SOX6: variants seen among roughly 807,000 people sequenced by gnomAD.
The protein encoded by SOX6 is transcription factor SOX-6.
SOX6 carries 11 observed loss-of-function variants against 97.8 expected under a neutral mutation model. That is an observed-to-expected ratio of 0.11 (90% confidence interval 0.07 to 0.19). The LOEUF is 0.19. Ranked by LOEUF, SOX6 falls within the 10% of genes least tolerant of loss-of-function variation. SOX6 has a pLI of 1.00. For missense variants in SOX6, 810 were observed against 1,039.5 expected (o/e 0.78, Z 3.04); for synonymous variants, 360 against 371.4 (o/e 0.97, Z 0.35).
intron 3 of SOX6, among the ~76,000 whole-genome samples, chr11:16,680,422 A>G (rs1024682713): frequency 1.3e-5 from 2 of 152,228 alleles, no homozygotes; most frequent in Admixed American, 1.3e-4. Context: ...AGATTTTGTA[A>G]CCATCAGGAC....
rs537248778 is a variant in SOX6, at chr11:16,298,996, T to C, written c.445+19450A>G. Among the ~76,000 whole-genome samples the C allele has an allele frequency of 5.9e-5, 9 of 152,270 alleles. No individual in the cohort carries two copies. In the South Asian group the frequency reaches 1.0e-3, roughly 18 times the overall value. On this transcript the variant is annotated intron_variant, in intron 3 of 15. Coordinates refer to ENST00000683767, the MANE Select transcript of SOX6 (RefSeq NM_001367873.1). ...TAAAATTACAAAGAAATGGTGGGTA[T>C]TAAACCTCTGAAAAGCAATATTTTC...
chr11:16,412,209 A>G (rs73433530), intron 1 of SOX6, among the ~76,000 whole-genome samples: 123 of 152,350 alleles, frequency 8.1e-4, no homozygotes, highest in African/African-American at 2.6e-3. Flanking sequence ...CAATGCTAAT[A>G]ACATTATTTC....
At chr11:16,491,252 A>T (rs1860506867) in intron 4 of SOX6, among the ~76,000 whole-genome samples, 1 of 152,132 alleles carries the variant, frequency 6.6e-6, no homozygotes, top group Non-Finnish European at 1.5e-5. Flanking sequence ...TCCCAGGCAA[A>T]ATGAAATTTA....
exon 4 of SOX6, chr11:16,612,139 G>C (rs991657572): frequency 3.3e-5 from 5 of 152,604 alleles, no homozygotes; most frequent in Admixed American, 6.6e-5. Flanking sequence ...GAGTTACCCA[G>C]GGCTGCAGTG....
At chr11:16,589,151 A>C (rs1848124796) in intron 4 of SOX6, among the ~76,000 whole-genome samples, 1 of 152,220 alleles carries the variant, frequency 6.6e-6, no homozygotes, top group African/African-American at 2.4e-5. Flanking sequence ...ACTATGTCCC[A>C]GAAGAGTGTC....
At chr11:16,026,371 G>A (rs10500822) in intron 12 of SOX6, among the ~76,000 whole-genome samples, 16,276 of 152,048 alleles carry the variant, frequency 0.11, 1,823 homozygotes, top group East Asian at 0.37. Context: ...TACTTCTGAA[G>A]TTCCGTGGCC....
chr11:16,399,715 A>G (rs1590186970), intron 1 of SOX6, among the ~76,000 whole-genome samples: 1 of 151,414 alleles, frequency 6.6e-6, no homozygotes, highest in East Asian at 1.9e-4. Flanking sequence ...CCAGATGAGG[A>G]AAGGGATAAG....
At chr11:15,975,451 A>C (rs1455455036) in intron 15 of SOX6, among the ~76,000 whole-genome samples, 5 of 152,220 alleles carry the variant, frequency 3.3e-5, no homozygotes, top group Non-Finnish European at 7.3e-5. Flanking sequence ...GCTGATCTGT[A>C]ATACAAACTC....
intron 12 of SOX6, among the ~76,000 whole-genome samples, chr11:16,045,017 T>C (rs1269389170): frequency 2.6e-5 from 4 of 152,082 alleles, no homozygotes. Flanking sequence ...CTTAACCTCA[T>C]CTCTCATCCC....
chr11:16,423,522 A>C (rs1859061713), intron 1 of SOX6, among the ~76,000 whole-genome samples: 1 of 152,220 alleles, frequency 6.6e-6, no homozygotes, highest in Non-Finnish European at 1.5e-5. Context: ...CATCTGATGA[A>C]CAAATGAGTG....
chr11:16,592,169 C>T (rs1050065946), intron 4 of SOX6, among the ~76,000 whole-genome samples: 6 of 151,692 alleles, frequency 4.0e-5, no homozygotes, highest in African/African-American at 7.3e-5. Context: ...TTGCTAAGGG[C>T]GTGCTCTATC....
chr11:16,484,074 C>A (rs890038732), intron 4 of SOX6: 1 of 771,954 alleles, frequency 1.3e-6, no homozygotes, highest in Non-Finnish European at 2.4e-6. Flanking sequence ...CACCACAATG[C>A]CTTTGGACTT....
At chr11:16,678,105 T>C (rs554377926) in intron 3 of SOX6, among the ~76,000 whole-genome samples, 2 of 152,146 alleles carry the variant, frequency 1.3e-5, no homozygotes, top group Non-Finnish European at 2.9e-5. Context: ...CAATTTTGAT[T>C]TCACTGATTT....
intron 3 of SOX6, among the ~76,000 whole-genome samples, chr11:16,258,925 T>A (rs921838252): frequency 1.3e-5 from 2 of 151,674 alleles, no homozygotes; most frequent in African/African-American, 4.8e-5. Context: ...CATACATATA[T>A]GTATGTATAG....
At chr11:16,006,897 A>C (rs1854570794) in intron 13 of SOX6, among the ~76,000 whole-genome samples, 1 of 152,020 alleles carries the variant, frequency 6.6e-6, no homozygotes, top group African/African-American at 2.4e-5. Flanking sequence ...GGTAAAACTG[A>C]AGATTGGAAG....
Position 16,107,076 on chromosome 11 carries a change from T to G in SOX6, c.898+4727A>C, listed in dbSNP as rs554999301. 5.3e-5 allele frequency among the ~76,000 whole-genome samples: 8 copies of G among 151,962 alleles called. No individual in the cohort carries two copies. The South Asian group carries it at 1.5e-3, about 28-fold the overall frequency. Reference sequence around the variant, plus strand: ...ACTGGGATGATAATAATAAAAAAATTTAGTTGAAAATAACAAGTGTTAGCA... The same window carrying G: ...ACTGGGATGATAATAATAAAAAAATGTAGTTGAAAATAACAAGTGTTAGCA... On this transcript the variant is annotated intron_variant, in intron 7 of 15. Coordinates refer to ENST00000683767, the MANE Select transcript of SOX6 (RefSeq NM_001367873.1).
chr11:16,628,937 A>T (rs528104314), intron 3 of SOX6, among the ~76,000 whole-genome samples: 7 of 152,270 alleles, frequency 4.6e-5, no homozygotes, highest in Non-Finnish European at 8.8e-5. Context: ...TGATTTTTGT[A>T]TGTTGATTTT....
At chr11:16,298,857 T>C (rs1855171647) in intron 3 of SOX6, among the ~76,000 whole-genome samples, 1 of 151,934 alleles carries the variant, frequency 6.6e-6, no homozygotes, top group Admixed American at 6.6e-5. Flanking sequence ...CCTACCAAGA[T>C]GAAGATAGAG....
chr11:16,159,818 C>T (rs1165039958), intron 6 of SOX6, among the ~76,000 whole-genome samples: 2 of 152,052 alleles, frequency 1.3e-5, no homozygotes, highest in East Asian at 3.9e-4. Flanking sequence ...CTTAATGCAA[C>T]AGAACATTAG....
Sources: gnomAD v4.1 joint callset for allele counts (sites outside exome capture counted in the v4.1 genomes callset) on GRCh38, gnomAD v4.1.1 for gene constraint, MANE v1.5 for transcripts, NCBI Gene and HGNC (gene_info 2026-07-23, HGNC 2026-07-21) for gene names.